Variants in ALKBH5 observed in about 807,000 individuals in gnomAD.
ALKBH5 encodes the protein RNA demethylase ALKBH5.
In ALKBH5, 2 loss-of-function variants were observed where a neutral mutation model predicts 32.1. That is an observed-to-expected ratio of 0.06 (90% CI 0.03 to 0.20). The LOEUF (loss-of-function observed/expected upper bound fraction) is 0.20, where lower values mean the gene tolerates loss of function less well. Ranked by LOEUF, ALKBH5 falls within the 10% of genes least tolerant of loss-of-function variation. ALKBH5 has a pLI of 1.00. For synonymous variants in ALKBH5, 300 were observed against 231.7 expected, an observed-to-expected ratio of 1.29 and a Z score of -2.68; for missense variants, 352 against 559.5, an observed-to-expected ratio of 0.63 and a Z score of 3.74.
At position 18,206,872 on chromosome 17, in the gene ALKBH5, A is replaced by C; in HGVS notation, c.909A>C (p.Pro303=). The change falls in exon 3 of 4, where the codon CCA becomes CCC. Residue 303 remains proline (P), a synonymous_variant. Transcript: ENST00000399138. ...AGTCCCTGAGCAGCTCCGTGTTACC[A>C]CCCAGCTATGCTTCAGATCGCCTGT... is the stretch of plus-strand genomic sequence containing the variant. ...ETKSLSSSVL[P]PSYASDRLSG... 6.2e-7 allele frequency: 1 copy of C among 1,614,196 alleles called. No homozygotes were observed. Among genetic ancestry groups the C allele is most frequent in the Non-Finnish European group, 8.5e-7 (1 of 1,180,034 alleles).
chr17:18,193,544 C>CAA (rs536568816), intron 1 of ALKBH5, among the ~76,000 whole-genome samples: 23 of 134,798 alleles, frequency 1.7e-4, no homozygotes, highest in African/African-American at 5.7e-4. Flanking sequence ...GAGACTGTCT[C>CAA]AAAAAAAAAA....
intron 1 of ALKBH5, among the ~76,000 whole-genome samples, chr17:18,186,223 T>G (rs575045338): frequency 6.6e-6 from 1 of 152,340 alleles, no homozygotes; most frequent in South Asian, 2.1e-4. Context: ...CTTTAGCTCT[T>G]TAGGCATCTG....
chr17:18,200,096 CAAA>C (rs1176852819), intron 2 of ALKBH5, among the ~76,000 whole-genome samples: 1 of 107,842 alleles, frequency 9.3e-6, no homozygotes, highest in African/African-American at 3.5e-5. Flanking sequence ...GACTCCATCT[CAAA>C]AAAAAAAAAA....
At chr17:18,193,931 G>A (rs908825736) in intron 1 of ALKBH5, among the ~76,000 whole-genome samples, 9 of 152,166 alleles carry the variant, frequency 5.9e-5, no homozygotes, top group Middle Eastern at 3.2e-3. Context: ...GTAACTTGGA[G>A]TGGGAGTATC....
rs952044410 is a variant in ALKBH5, at chr17:18,184,169, G to A, written c.-75G>A. 90 of 1,327,732 alleles carry A rather than the reference G, an allele frequency of 6.8e-5. No homozygotes were observed. The highest frequency in any genetic ancestry group is 8.6e-5 in the Non-Finnish European group (86 of 995,286). 82.2% of individuals were successfully genotyped at this position (1,327,732 alleles called of 1,614,324 possible). A position where few individuals can be genotyped will look rare whatever the true frequency, so the allele number is the denominator to read the frequency against. ...GGACCCCCCTCCCTCCGGGGGCCCCGGGGCGCGTCCCCTTAGAGCCATGCC... is the reference window on the plus strand; with the variant it reads ...GGACCCCCCTCCCTCCGGGGGCCCCAGGGCGCGTCCCCTTAGAGCCATGCC... On this transcript the variant is annotated 5_prime_UTR_variant, in exon 1 of 4. Transcript: ENST00000399138.
At chr17:18,199,430 A>G (rs2047223347) in intron 2 of ALKBH5, among the ~76,000 whole-genome samples, 1 of 152,242 alleles carries the variant, frequency 6.6e-6, no homozygotes, top group South Asian at 2.1e-4. Context: ...CAGTTTTCCC[A>G]TGATTCCCTA....
intron 2 of ALKBH5, among the ~76,000 whole-genome samples, chr17:18,197,304 A>G (rs11078412): frequency 0.21 from 32,127 of 151,940 alleles, 3,711 homozygotes; most frequent in Middle Eastern, 0.31. Context: ...CTTGTACTTT[A>G]TTTTTCTGTG....
chr17:18,196,851 G>T (rs1035438677), intron 2 of ALKBH5, among the ~76,000 whole-genome samples: 6 of 151,970 alleles, frequency 3.9e-5, no homozygotes, highest in African/African-American at 1.5e-4. Flanking sequence ...TCTGCAGGGG[G>T]GATTGGTCTA....
rs2142494940 is a variant in ALKBH5 at position 18,209,731 on chromosome 17, A to G, written c.*1335A>G. On this transcript the variant is annotated 3_prime_UTR_variant, in exon 4 of 4. Coordinates refer to ENST00000399138, the MANE Select transcript of ALKBH5 (RefSeq NM_017758.4). The stretch of plus-strand genomic sequence containing the variant: ...TACAGAGGTCCGGGTCTGAGACCTC[A>G]TAGGCTGCAGAAATCTGGGGCAGCC... The G allele has an allele frequency of 6.6e-6, 1 of 152,652 alleles. No individual in the cohort carries two copies. Among genetic ancestry groups the G allele is most frequent in the Non-Finnish European group, 1.5e-5 (1 of 68,034 alleles). 9.5% of individuals were successfully genotyped at this position (152,652 alleles called of 1,614,324 possible).
At chr17:18,202,931 G>A (rs2047250241) in intron 2 of ALKBH5, among the ~76,000 whole-genome samples, 1 of 151,998 alleles carries the variant, frequency 6.6e-6, no homozygotes, top group East Asian at 1.9e-4. Context: ...AAAATTAGCT[G>A]GGCATGGTGG....
At chr17:18,185,368 C>T (rs986197800) in intron 1 of ALKBH5, among the ~76,000 whole-genome samples, 1 of 150,994 alleles carries the variant, frequency 6.6e-6, no homozygotes, top group Non-Finnish European at 1.5e-5. Context: ...CCATTCTGGC[C>T]TTCCATTTAC....
At chr17:18,185,036 G>C in intron 1 of ALKBH5, 23 bp downstream of exon 1, 1 of 1,591,956 alleles carries the variant, frequency 6.3e-7, no homozygotes, top group African/African-American at 1.3e-5. Context: ...GGTGGAGGGG[G>C]CGGCCCTGCG....
At chr17:18,185,976 G>A (rs1011096543) in intron 1 of ALKBH5, among the ~76,000 whole-genome samples, 6 of 152,218 alleles carry the variant, frequency 3.9e-5, no homozygotes, top group Non-Finnish European at 2.9e-5. Flanking sequence ...CCAAATACAA[G>A]GTTGAGGACA....
At chr17:18,201,846 A>G (rs570560151) in intron 2 of ALKBH5, among the ~76,000 whole-genome samples, 1 of 84,130 alleles carries the variant, frequency 1.2e-5, no homozygotes, top group African/African-American at 4.1e-5. Context: ...GATGATAGAT[A>G]GATTGATTGA....
intron 2 of ALKBH5, among the ~76,000 whole-genome samples, chr17:18,195,932 T>C (rs1340702654): frequency 6.6e-6 from 1 of 152,156 alleles, no homozygotes; most frequent in African/African-American, 2.4e-5. Context: ...TGTCGTCTTC[T>C]TCCTTCCTTC....
Position 18,183,847 on chromosome 17 carries a change from G to T in ALKBH5, c.-397G>T, listed in dbSNP as rs926520592. 9.2e-6 allele frequency: 3 copies of T among 325,236 alleles called. No individual in the cohort carries two copies. The highest frequency in any genetic ancestry group is 2.3e-5 in the African/African-American group (1 of 43,458). 20.1% of individuals were successfully genotyped at this position (325,236 alleles called of 1,614,324 possible). A position where few individuals can be genotyped will look rare whatever the true frequency, so the allele number is the denominator to read the frequency against. On this transcript the variant is annotated 5_prime_UTR_variant, in exon 1 of 4. Coordinates refer to ENST00000399138, the MANE Select transcript of ALKBH5 (RefSeq NM_017758.4). ...CGCGGTGAGGAGCCCGCTAAGGAGC[G>T]GCGCTGGCGGACGTCGGGCTGGCTG...
At chr17:18,189,195 G>A (rs2925138) in intron 1 of ALKBH5, among the ~76,000 whole-genome samples, 53,096 of 152,016 alleles carry the variant, frequency 0.35, 9,780 homozygotes, top group Non-Finnish European at 0.41. Context: ...GGCTAGCATG[G>A]TGAAACCCTG....
At chr17:18,193,803 C>G (rs1323946558) in intron 1 of ALKBH5, among the ~76,000 whole-genome samples, 2 of 152,162 alleles carry the variant, frequency 1.3e-5, no homozygotes, top group African/African-American at 4.8e-5. Context: ...GGGAGCTGAT[C>G]AGCAGCCATG....
intron 3 of ALKBH5, 141 bp from the exon 4 acceptor site, chr17:18,208,078 C>T: frequency 1.2e-6 from 1 of 853,486 alleles, no homozygotes; most frequent in Non-Finnish European, 1.8e-6. Flanking sequence ...CCTCCGATAC[C>T]AGGGCCTCTG....
Sources: allele counts gnomAD v4.1 joint callset (sites outside exome capture counted in the v4.1 genomes callset), GRCh38; gene constraint gnomAD v4.1.1; transcripts MANE v1.5; gene names NCBI Gene and HGNC (gene_info 2026-07-23, HGNC 2026-07-21).